Variants in SMC1B observed in about 807,000 individuals in gnomAD.
SMC1B encodes structural maintenance of chromosomes protein 1B.
Under a neutral mutation model 157.9 loss-of-function variants are expected in SMC1B, and 60 were observed. The ratio of observed to expected loss-of-function variants is 0.38; its 90% CI spans 0.31 to 0.47. The LOEUF (loss-of-function observed/expected upper bound fraction) is 0.47. SMC1B is among the 20% of genes least tolerant of loss of function. The pLI, the probability that SMC1B is intolerant of heterozygous loss-of-function variation, is 0.99. For synonymous variants in SMC1B, 445 were observed against 483.0 expected, an observed-to-expected ratio of 0.92 and a Z score of 1.03; for missense variants, 1,165 against 1,426.2, an observed-to-expected ratio of 0.82 and a Z score of 2.95.
At chr22:45,406,344 A>G (rs917120986) in intron 4 of SMC1B, 116 bp downstream of exon 4, 5 of 799,850 alleles carry the variant, frequency 6.3e-6, no homozygotes, top group Middle Eastern at 2.4e-4. Context: ...ATTGGGCTTT[A>G]ATTGTCTTAT....
chr22:45,400,823 C>T (rs892838972), intron 5 of SMC1B, among the ~76,000 whole-genome samples: 1 of 152,172 alleles, frequency 6.6e-6, no homozygotes, highest in Non-Finnish European at 1.5e-5. Context: ...TACACTGACA[C>T]TCTGATAGAA....
intron 15 of SMC1B, among the ~76,000 whole-genome samples, chr22:45,368,642 A>G (rs1370926911): frequency 3.3e-5 from 5 of 151,518 alleles, no homozygotes; most frequent in African/African-American, 1.2e-4. Context: ...TCAGCCTCCA[A>G]AGGAGCTGGG....
chr22:45,404,400 G>GA (rs1433619185), intron 4 of SMC1B, among the ~76,000 whole-genome samples: 2 of 152,104 alleles, frequency 1.3e-5, no homozygotes. Flanking sequence ...CTCTTGTGGG[G>GA]AAAAAAATCT....
chr22:45,357,857 A>G (rs1276835619), intron 19 of SMC1B, among the ~76,000 whole-genome samples: 2 of 152,178 alleles, frequency 1.3e-5, no homozygotes, highest in Non-Finnish European at 2.9e-5. Flanking sequence ...ATTATTCATG[A>G]TAAGCCCCCG....
At chr22:45,354,565 A>AT (rs2086651775) in intron 20 of SMC1B, among the ~76,000 whole-genome samples, 1 of 151,946 alleles carries the variant, frequency 6.6e-6, no homozygotes, top group South Asian at 2.1e-4. Flanking sequence ...TAATTTTTGT[A>AT]TTTTTAGTAG....
chr22:45,348,900 C>T (rs193272170), intron 23 of SMC1B, among the ~76,000 whole-genome samples: 1 of 152,030 alleles, frequency 6.6e-6, no homozygotes, highest in African/African-American at 2.4e-5. Context: ...GACAAGGTCT[C>T]CTTATGTTGC....
chr22:45,392,834 G>A (rs1339851546), intron 9 of SMC1B, among the ~76,000 whole-genome samples: 1 of 152,070 alleles, frequency 6.6e-6, no homozygotes, highest in Non-Finnish European at 1.5e-5. Context: ...CTGAGGAGCT[G>A]GTATTATAGG....
chr22:45,344,364 C>A lies in SMC1B; in HGVS notation c.*192G>T. On this transcript the variant is annotated 3_prime_UTR_variant, in exon 25 of 25. Coordinates refer to ENST00000357450, the MANE Select transcript of SMC1B (RefSeq NM_148674.5). ...ATTTGACACCAGCTCTCACTGAAAA[C>A]TTTCCCTACTAGAATGAGGTCTGAA... The A allele has an allele frequency of 2.5e-6, 1 of 405,606 alleles. No homozygotes were observed. The allele number at this position is 405,606 out of a possible 1,614,324, so 25.1% of individuals were successfully genotyped here. A position where few individuals can be genotyped will look rare whatever the true frequency, so the allele number is the denominator to read the frequency against.
chr22:45,345,439 C>T lies in SMC1B; in HGVS notation c.3606+20G>A, dbSNP rs118012587. On this transcript the variant is annotated intron_variant, in intron 24 of 24. Transcript: ENST00000357450. Reference sequence around the variant, plus strand: ...AAGTTGGCATTGGGTACACTCCTCTCGCCTCTGATTTGTCTTTACCTCAGG... The same window carrying T: ...AAGTTGGCATTGGGTACACTCCTCTTGCCTCTGATTTGTCTTTACCTCAGG... The T allele has an allele frequency of 7.6e-3, 11,745 of 1,545,566 alleles. 66 individuals carry two copies. Among genetic ancestry groups the T allele is most frequent in the Non-Finnish European group, 9.0e-3 (10,106 of 1,119,708 alleles).
intron 12 of SMC1B, among the ~76,000 whole-genome samples, chr22:45,377,925 T>C (rs1602070421): frequency 6.6e-6 from 1 of 152,068 alleles, no homozygotes; most frequent in African/African-American, 2.4e-5. Flanking sequence ...CACTGCTCAC[T>C]GCAGCCTTGA....
At chr22:45,348,718 G>T (rs1451600142) in intron 23 of SMC1B, among the ~76,000 whole-genome samples, 4 of 148,124 alleles carry the variant, frequency 2.7e-5, no homozygotes, top group Admixed American at 6.7e-5. Context: ...CAAAAGGACT[G>T]TTTTTTTTGT....
At chr22:45,374,949 G>A (rs780951479) in intron 12 of SMC1B, among the ~76,000 whole-genome samples, 27 of 152,072 alleles carry the variant, frequency 1.8e-4, no homozygotes, top group Non-Finnish European at 3.2e-4. Context: ...CATGAAACCT[G>A]AGACCAGAGA....
rs1048586219 is a variant in SMC1B, at chr22:45,399,247, C to T, written c.961G>A (p.Asp321Asn). 4 of 1,614,014 alleles carry T rather than the reference C, an allele frequency of 2.5e-6. No homozygotes were observed. Among genetic ancestry groups the T allele is most frequent in the African/African-American group, 1.3e-5 (1 of 75,016 alleles). ...TGTTTAGAACATTGTTTTTCGCTGTCCTTTATTGATTTCTTAGCCACATCT... is the reference window on the plus strand; with the variant it reads ...TGTTTAGAACATTGTTTTTCGCTGTTCTTTATTGATTTCTTAGCCACATCT... ...KLDVAKKSIK[D>N]SEKQCSKQED... The change falls in exon 6 of 25, where the codon GAC (aspartate) becomes AAC (asparagine). Residue 321 changes from aspartate (D) to asparagine (N), a missense_variant. Asp to Asn is a conservative substitution (Grantham distance 23). Coordinates refer to ENST00000357450, the MANE Select transcript of SMC1B (RefSeq NM_148674.5).
At chr22:45,408,165 G>A (rs988385691) in intron 2 of SMC1B, among the ~76,000 whole-genome samples, 8 of 151,910 alleles carry the variant, frequency 5.3e-5, no homozygotes, top group African/African-American at 9.7e-5. Flanking sequence ...TTGATCTGTC[G>A]CCTAGGCTGG....
chr22:45,401,235 G>C (rs963906035), intron 5 of SMC1B, among the ~76,000 whole-genome samples: 3 of 152,186 alleles, frequency 2.0e-5, no homozygotes, highest in Admixed American at 2.0e-4. Context: ...AAATTATTTA[G>C]GCAGATAGTG....
At chr22:45,412,447 C>A (rs573963691) in intron 1 of SMC1B, among the ~76,000 whole-genome samples, 2 of 151,434 alleles carry the variant, frequency 1.3e-5, no homozygotes, top group South Asian at 4.2e-4. Context: ...GATCCACCCG[C>A]CTCGGCCTCC....
intron 15 of SMC1B, among the ~76,000 whole-genome samples, chr22:45,363,259 G>T (rs1312224375): frequency 6.6e-6 from 1 of 152,188 alleles, no homozygotes; most frequent in Non-Finnish European, 1.5e-5. Flanking sequence ...TAGACATGAT[G>T]TAATTTCACC....
intron 22 of SMC1B, among the ~76,000 whole-genome samples, 186 bp from the exon 23 acceptor site, chr22:45,349,983 AAGG>A (rs2086595279): frequency 6.6e-6 from 1 of 152,236 alleles, no homozygotes; most frequent in African/African-American, 2.4e-5. Context: ...TGACCTATGC[AAGG>A]AGTATTTGGG....
chr22:45,399,477 A>G, intron 5 of SMC1B, 124 bp from the exon 6 acceptor site: 1 of 935,830 alleles, frequency 1.1e-6, no homozygotes, highest in Non-Finnish European at 1.6e-6. Context: ...AGAGACTGTA[A>G]GCAGATCAAT....
Sources: gnomAD v4.1 joint callset for allele counts (sites outside exome capture counted in the v4.1 genomes callset) on GRCh38, gnomAD v4.1.1 for gene constraint, MANE v1.5 for transcripts, NCBI Gene and HGNC (gene_info 2026-07-23, HGNC 2026-07-21) for gene names.